Variants in CELF1 observed in about 807,000 individuals in gnomAD.
CELF1 encodes the protein 50 kDa nuclear polyadenylated RNA-binding protein.
Under a neutral mutation model 61.8 loss-of-function variants are expected in CELF1, and 10 were observed. The observed-to-expected ratio is 0.16, with a 90% CI of 0.10 to 0.27. CELF1 has a LOEUF of 0.27. CELF1 is among the 10% of genes least tolerant of loss of function. CELF1 has a pLI of 1.00. For missense variants in CELF1, 380 were observed against 639.1 expected (o/e 0.59, Z 4.37); for synonymous variants, 236 against 225.1 (o/e 1.05, Z -0.43).
At chr11:47,533,646 A>ACATACATACATG (rs1565896085) in intron 1 of CELF1, among the ~76,000 whole-genome samples, 1 of 151,008 alleles carries the variant, frequency 6.6e-6, no homozygotes, top group Non-Finnish European at 1.5e-5. Flanking sequence ...ATACATACAT[A>ACATACATACATG]CATACATACA....
At chr11:47,511,826 T>C (rs1277327688) in intron 1 of CELF1, among the ~76,000 whole-genome samples, 1 of 152,144 alleles carries the variant, frequency 6.6e-6, no homozygotes, top group African/African-American at 2.4e-5. Context: ...AAAGTCTGTT[T>C]AAATGCTAAG....
intron 1 of CELF1, among the ~76,000 whole-genome samples, chr11:47,547,098 G>GAA (rs2096980675): frequency 3.7e-5 from 3 of 80,980 alleles, no homozygotes; most frequent in Admixed American, 1.2e-4. Context: ...AAAAAAGAAA[G>GAA]AAAGAAAATG....
chr11:47,512,504 T>A (rs2095276417), intron 1 of CELF1, among the ~76,000 whole-genome samples: 1 of 150,844 alleles, frequency 6.6e-6, no homozygotes, highest in African/African-American at 2.4e-5. Flanking sequence ...GCCCAGCTAA[T>A]TTTTTTTGTA....
At position 47,488,265 on chromosome 11, in the gene CELF1, T is replaced by C. The variant is rs1398023912; in HGVS notation, c.259+572A>G. On this transcript the variant is annotated intron_variant, in intron 4 of 14. Transcript: ENST00000687097. Reference sequence around the variant, plus strand: ...CAGTCTTGTGAAACTTCCACTCTGCTAGGCAATTCTGGAAGCAGCTCCGCC... The same window carrying C: ...CAGTCTTGTGAAACTTCCACTCTGCCAGGCAATTCTGGAAGCAGCTCCGCC... Among the ~76,000 whole-genome samples, 4 of 152,226 alleles carry C rather than the reference T, an allele frequency of 2.6e-5. 1 individual carries two copies. Among genetic ancestry groups the C allele is most frequent in the South Asian group, 4.1e-4 (2 of 4,834 alleles).
intron 9 of CELF1, among the ~76,000 whole-genome samples, chr11:47,480,528 G>A (rs961218788): frequency 2.0e-5 from 3 of 152,164 alleles, no homozygotes; most frequent in African/African-American, 4.8e-5. Context: ...AGAGAACACA[G>A]CTCTCAACAC....
intron 9 of CELF1, among the ~76,000 whole-genome samples, chr11:47,481,613 A>C (rs974439201): frequency 5.3e-5 from 8 of 152,214 alleles, no homozygotes; most frequent in Admixed American, 5.2e-4. Context: ...TCATCCATAC[A>C]AATCTAGTGG....
intron 1 of CELF1, among the ~76,000 whole-genome samples, chr11:47,530,815 C>T (rs540169349): frequency 1.3e-5 from 2 of 152,082 alleles, no homozygotes; most frequent in Non-Finnish European, 2.9e-5. Flanking sequence ...ATTAGCCAGG[C>T]ATGGTGGCAT....
chr11:47,521,738 A>G (rs955191518), intron 1 of CELF1, among the ~76,000 whole-genome samples: 2 of 152,222 alleles, frequency 1.3e-5, no homozygotes, highest in African/African-American at 2.4e-5. Flanking sequence ...AATGAGTCCC[A>G]AAAAATTTCA....
chr11:47,489,932 C>CTTTT (rs530410346), intron 3 of CELF1, among the ~76,000 whole-genome samples: 4 of 23,442 alleles, frequency 1.7e-4, no homozygotes, highest in South Asian at 1.3e-3. Flanking sequence ...AACATACCAT[C>CTTTT]TTGTTTTTTT....
intron 6 of CELF1, 118 bp downstream of exon 6, chr11:47,486,632 C>T: frequency 2.6e-6 from 2 of 783,588 alleles, no homozygotes; most frequent in Middle Eastern, 2.3e-4. Flanking sequence ...CTGGCTCGAA[C>T]TCCGGCCTCA....
chr11:47,552,904 A>C, intron 1 of CELF1, 88 bp downstream of exon 1: 1 of 396,586 alleles, frequency 2.5e-6, no homozygotes, highest in Non-Finnish European at 4.4e-6. Flanking sequence ...CGGCCTCCCT[A>C]ACCGGACCCG....
chr11:47,476,494 T>C (rs1313870432), intron 12 of CELF1, among the ~76,000 whole-genome samples: 3 of 152,024 alleles, frequency 2.0e-5, no homozygotes, highest in East Asian at 1.9e-4. Flanking sequence ...GGCGCAATCT[T>C]GGCTCACTGC....
Position 47,504,873 on chromosome 11 carries a change from G to A in CELF1, c.-153-3941C>T, listed in dbSNP as rs2094340928. On this transcript the variant is annotated intron_variant, in intron 1 of 14. Transcript: ENST00000687097. ...GCCGACACCATGCCATTGCACTCCAGCCTGGGCGATAGAGTGAGACTCTGT... is the reference window on the plus strand; with the variant it reads ...GCCGACACCATGCCATTGCACTCCAACCTGGGCGATAGAGTGAGACTCTGT... Among the ~76,000 whole-genome samples, 2 of 143,298 alleles carry A rather than the reference G, an allele frequency of 1.4e-5. 1 individual carries two copies. The highest frequency in any genetic ancestry group is 4.4e-4 in the South Asian group (2 of 4,522). 94.0% of individuals were successfully genotyped at this position (143,298 alleles called of 152,430 possible).
At chr11:47,505,728 A>G (rs1324718094) in intron 1 of CELF1, among the ~76,000 whole-genome samples, 1 of 150,200 alleles carries the variant, frequency 6.7e-6, no homozygotes, top group African/African-American at 2.4e-5. Context: ...AGGCTGGCAG[A>G]TCACCTGAGG....
intron 1 of CELF1, among the ~76,000 whole-genome samples, chr11:47,552,056 T>C (rs1308080674): frequency 1.3e-5 from 2 of 151,940 alleles, no homozygotes; most frequent in East Asian, 1.9e-4. Flanking sequence ...AAAAGATTCA[T>C]TATTTGTAAC....
At chr11:47,493,336 A>T (rs2092292480) in intron 3 of CELF1, among the ~76,000 whole-genome samples, 1 of 40,470 alleles carries the variant, frequency 2.5e-5, no homozygotes, top group Non-Finnish European at 4.8e-5. Context: ...CCCCGTCCCT[A>T]CTTAAAAAAA....
chr11:47,489,935 G>A (rs78321091), intron 3 of CELF1, among the ~76,000 whole-genome samples: 1 of 48,226 alleles, frequency 2.1e-5, no homozygotes, highest in South Asian at 9.8e-4. Context: ...ATACCATCTT[G>A]TTTTTTTTTT....
intron 2 of CELF1, among the ~76,000 whole-genome samples, chr11:47,561,689 T>C (rs1209282767): frequency 6.6e-6 from 1 of 151,894 alleles, no homozygotes; most frequent in African/African-American, 2.4e-5. Context: ...ACAAGAGAAA[T>C]GAAAACCTAT....
At chr11:47,558,812 T>C (rs2097216823) in intron 2 of CELF1, among the ~76,000 whole-genome samples, 3 of 123,936 alleles carry the variant, frequency 2.4e-5, no homozygotes, top group Non-Finnish European at 4.8e-5. Flanking sequence ...GCCAATAATA[T>C]ATATATTGCA....
Sources: allele counts gnomAD v4.1 joint callset (sites outside exome capture counted in the v4.1 genomes callset), GRCh38; gene constraint gnomAD v4.1.1; transcripts MANE v1.5; gene names NCBI Gene and HGNC (gene_info 2026-07-23, HGNC 2026-07-21).